Variants in TNFRSF19 observed in about 807,000 individuals in gnomAD.
TNFRSF19 encodes the protein TNF receptor superfamily member 19, also known as tumor necrosis factor receptor superfamily member 19.
Under a neutral mutation model 46.4 loss-of-function variants are expected in TNFRSF19, and 27 were observed. That is an observed-to-expected ratio of 0.58 (90% CI 0.43 to 0.80). The LOEUF (loss-of-function observed/expected upper bound fraction) is 0.80, where lower values mean the gene tolerates loss of function less well. TNFRSF19 is among the 30% of genes least tolerant of loss of function. The pLI, the probability that TNFRSF19 is intolerant of heterozygous loss-of-function variation, is 0.00. For missense variants in TNFRSF19, 511 were observed against 530.8 expected, an observed-to-expected ratio of 0.96 and a Z score of 0.37; for synonymous variants, 204 against 205.0, an observed-to-expected ratio of 1.00 and a Z score of 0.04.
intron 5 of TNFRSF19, among the ~76,000 whole-genome samples, chr13:23,640,947 T>G (rs1393895931): frequency 6.6e-6 from 1 of 152,220 alleles, no homozygotes; most frequent in Non-Finnish European, 1.5e-5. Context: ...TTCTTAATGT[T>G]CATTAATGCT....
At chr13:23,580,416 T>G (rs1195496318) in intron 1 of TNFRSF19, among the ~76,000 whole-genome samples, 2 of 152,260 alleles carry the variant, frequency 1.3e-5, no homozygotes, top group Non-Finnish European at 2.9e-5. Context: ...CCAAACAATT[T>G]CTTTATGTAA....
chr13:23,615,788 C>T, intron 3 of TNFRSF19, 79 bp from the exon 4 acceptor site: 1 of 1,410,544 alleles, frequency 7.1e-7, no homozygotes, highest in Non-Finnish European at 9.4e-7. Flanking sequence ...TAGACCAGGT[C>T]TTCGTTTCAT....
intron 2 of TNFRSF19, among the ~76,000 whole-genome samples, chr13:23,591,259 C>T (rs1223655652): frequency 6.6e-6 from 1 of 152,110 alleles, no homozygotes; most frequent in Non-Finnish European, 1.5e-5. Context: ...TCAATACCAG[C>T]TTGGCCAACA....
intron 1 of TNFRSF19, among the ~76,000 whole-genome samples, chr13:23,579,935 G>A (rs989366213): frequency 6.6e-6 from 1 of 152,228 alleles, no homozygotes; most frequent in South Asian, 2.1e-4. Flanking sequence ...GCCAGCGCGC[G>A]GCTGCAGGGG....
At chr13:23,589,029 T>C (rs902642005) in intron 1 of TNFRSF19, among the ~76,000 whole-genome samples, 2 of 152,064 alleles carry the variant, frequency 1.3e-5, no homozygotes, top group African/African-American at 2.4e-5. Flanking sequence ...GCCTCCTTGG[T>C]TGTTGTCGTT....
chr13:23,624,603 C>G (rs1461477981), intron 4 of TNFRSF19, among the ~76,000 whole-genome samples: 1 of 151,904 alleles, frequency 6.6e-6, no homozygotes, highest in Non-Finnish European at 1.5e-5. Flanking sequence ...GACTTGTTCT[C>G]TATATTACTA....
At chr13:23,581,821 A>G (rs1380433756) in intron 1 of TNFRSF19, among the ~76,000 whole-genome samples, 1 of 152,290 alleles carries the variant, frequency 6.6e-6, no homozygotes, top group South Asian at 2.1e-4. Context: ...AATTAACACG[A>G]TTCAAACAAA....
At chr13:23,579,559 C>G (rs1593226137) in intron 1 of TNFRSF19, 1 of 152,500 alleles carries the variant, frequency 6.6e-6, no homozygotes, top group South Asian at 2.1e-4. Context: ...CGGCGCGCGG[C>G]GTCCCGCGAG....
chr13:23,653,435 C>T (rs1177365085), intron 5 of TNFRSF19, among the ~76,000 whole-genome samples: 4 of 152,140 alleles, frequency 2.6e-5, no homozygotes, highest in African/African-American at 9.7e-5. Context: ...GTCAGATGAT[C>T]GTCAGTGCTG....
chr13:23,597,837 G>A (rs1028809925), intron 3 of TNFRSF19, among the ~76,000 whole-genome samples: 11 of 152,124 alleles, frequency 7.2e-5, no homozygotes, highest in African/African-American at 1.4e-4. Flanking sequence ...ACATCAATGC[G>A]AAAATCCTCA....
At chr13:23,661,280 G>C (rs759856370) in intron 7 of TNFRSF19, among the ~76,000 whole-genome samples, 1 of 152,102 alleles carries the variant, frequency 6.6e-6, no homozygotes, top group African/African-American at 2.4e-5. Flanking sequence ...GCTTATAAGT[G>C]AGAACATGTG....
chr13:23,594,831 A>G (rs1879593926), intron 3 of TNFRSF19, among the ~76,000 whole-genome samples: 1 of 152,324 alleles, frequency 6.6e-6, no homozygotes. Context: ...GACACCTCCC[A>G]GCAGGGGTCG....
At chr13:23,611,154 C>T (rs961418349) in intron 3 of TNFRSF19, among the ~76,000 whole-genome samples, 1 of 141,458 alleles carries the variant, frequency 7.1e-6, no homozygotes. Context: ...ACACACACTC[C>T]TTCTCTTGCC....
At chr13:23,592,397 C>G (rs374887450) in intron 2 of TNFRSF19, among the ~76,000 whole-genome samples, 1 of 152,026 alleles carries the variant, frequency 6.6e-6, no homozygotes, top group South Asian at 2.1e-4. Flanking sequence ...AAATACTGTC[C>G]GTTAAGCAGA....
At chr13:23,656,858 G>A (rs1265813807) in intron 5 of TNFRSF19, among the ~76,000 whole-genome samples, 3 of 152,074 alleles carry the variant, frequency 2.0e-5, no homozygotes, top group Admixed American at 2.0e-4. Context: ...CTCCAGTTAT[G>A]CATTTTCAGT....
chr13:23,587,133 T>G (rs1878903566), intron 1 of TNFRSF19, among the ~76,000 whole-genome samples: 1 of 152,122 alleles, frequency 6.6e-6, no homozygotes, highest in South Asian at 2.1e-4. Flanking sequence ...CTGAAGCATA[T>G]AAAAGCATTT....
Position 23,611,087 on chromosome 13 carries a change from C to T in TNFRSF19, c.181-4780C>T, listed in dbSNP as rs540492846. Among the ~76,000 whole-genome samples the T allele has an allele frequency of 1.8e-4, 27 of 151,274 alleles. 1 individual carries two copies. In the South Asian group the frequency reaches 5.5e-3, roughly 31 times the overall value. On this transcript the variant is annotated intron_variant, in intron 3 of 9. Coordinates refer to ENST00000248484, the MANE Select transcript of TNFRSF19 (RefSeq NM_148957.4). ...AAAGATGGACATACTCTGCCTATAC[C>T]CTCCTTGCCCTCCCCTCACCAGACA...
At chr13:23,621,683 T>G (rs957262830) in intron 4 of TNFRSF19, among the ~76,000 whole-genome samples, 4 of 151,972 alleles carry the variant, frequency 2.6e-5, no homozygotes, top group African/African-American at 9.7e-5. Context: ...TTCAGTTCAG[T>G]TAAAAATTCC....
intron 1 of TNFRSF19, among the ~76,000 whole-genome samples, chr13:23,589,015 C>G (rs904378436): frequency 6.6e-6 from 1 of 152,244 alleles, no homozygotes; most frequent in African/African-American, 2.4e-5. Flanking sequence ...GCTCTGCCCC[C>G]TCTGCCTCCT....
Sources: gnomAD v4.1 joint callset for allele counts (sites outside exome capture counted in the v4.1 genomes callset) on GRCh38, gnomAD v4.1.1 for gene constraint, MANE v1.5 for transcripts, NCBI Gene and HGNC (gene_info 2026-07-23, HGNC 2026-07-21) for gene names.